CPAMD8: variants seen among roughly 807,000 people sequenced by gnomAD.
CPAMD8 encodes C3 and PZP like alpha-2-macroglobulin domain containing 8.
CPAMD8 carries 146 observed loss-of-function variants against 224.7 expected under a neutral mutation model. That is an observed-to-expected ratio of 0.65 (90% CI 0.57 to 0.75). CPAMD8 has a LOEUF of 0.75. Among genes scored for constraint, CPAMD8 ranks in the 30% least tolerant of loss-of-function variants. The pLI, the probability that CPAMD8 is intolerant of heterozygous loss-of-function variation, is 0.00. For synonymous variants in CPAMD8, 966 were observed against 1,044.6 expected, an observed-to-expected ratio of 0.92 and a Z score of 1.45; for missense variants, 2,301 against 2,537.5, an observed-to-expected ratio of 0.91 and a Z score of 2.00.
intron 11 of CPAMD8, among the ~76,000 whole-genome samples, chr19:16,994,009 G>A (rs1211784333): frequency 6.6e-6 from 1 of 152,162 alleles, no homozygotes; most frequent in East Asian, 1.9e-4. Flanking sequence ...AGGCTGAGGT[G>A]GGAGGATCAC....
At position 16,919,152 on chromosome 19, in the gene CPAMD8, G is replaced by A. The variant is rs575865611; in HGVS notation, c.3629+2753C>T. On this transcript the variant is annotated intron_variant, in intron 27 of 41. Coordinates refer to ENST00000443236, the MANE Select transcript of CPAMD8 (RefSeq NM_015692.5). ...CAGGAGGTGGAGGTTGCAGTGAGCC[G>A]AGATTATACCACTGAACTCCAGCTT... is the stretch of plus-strand genomic sequence containing the variant. Among the ~76,000 whole-genome samples the A allele has an allele frequency of 6.0e-4, 91 of 151,798 alleles. 1 individual carries two copies. Among genetic ancestry groups the A allele is most frequent in the African/African-American group, 2.0e-3 (84 of 41,364 alleles).
chr19:16,986,100 C>G (rs138533078), intron 13 of CPAMD8, among the ~76,000 whole-genome samples: 41 of 151,998 alleles, frequency 2.7e-4, no homozygotes, highest in African/African-American at 9.7e-4. Context: ...TTGGAGTGAG[C>G]GCCCCCATTC....
chr19:17,009,331 G>T lies in CPAMD8; in HGVS notation c.487-11C>A, dbSNP rs760402311. On this transcript the variant is annotated splice_polypyrimidine_tract_variant and intron_variant, in intron 5 of 41. Transcript: ENST00000443236. ...GATGTAGGCTTCCAGCTGTAATGAA[G>T]ACACAGATGCAGTGAGCAAATCTTC... 37 of 1,613,988 alleles carry T rather than the reference G, an allele frequency of 2.3e-5. No individual in the cohort carries two copies. Among genetic ancestry groups the T allele is most frequent in the Non-Finnish European group, 3.1e-5 (36 of 1,179,994 alleles).
chr19:16,934,769 T>C (rs73525459), intron 23 of CPAMD8, among the ~76,000 whole-genome samples: 2,025 of 152,302 alleles, frequency 0.013, 39 homozygotes, highest in African/African-American at 0.047. Flanking sequence ...TACACATGTA[T>C]TGCTTTTCAT....
intron 20 of CPAMD8, among the ~76,000 whole-genome samples, chr19:16,948,137 G>A (rs977929034): frequency 1.3e-5 from 2 of 152,182 alleles, no homozygotes; most frequent in African/African-American, 2.4e-5. Context: ...CATCTAAGAG[G>A]AAATCTTTGC....
At chr19:16,953,311 T>C (rs906677881) in intron 19 of CPAMD8, among the ~76,000 whole-genome samples, 4 of 151,216 alleles carry the variant, frequency 2.6e-5, no homozygotes, top group Non-Finnish European at 5.9e-5. Context: ...TGACAATGAT[T>C]TCATGGATAT....
chr19:16,946,599 G>A (rs562786577), intron 21 of CPAMD8, among the ~76,000 whole-genome samples: 57 of 146,048 alleles, frequency 3.9e-4, no homozygotes, highest in Middle Eastern at 4.0e-3. Context: ...ACACGTGGGC[G>A]TGTGTGTGTG....
intron 41 of CPAMD8, chr19:16,894,477 G>A (rs1443236142): frequency 1.5e-5 from 7 of 456,480 alleles, no homozygotes; most frequent in Non-Finnish European, 3.1e-5. Flanking sequence ...GGGCCGCCAG[G>A]ACTTCGGGAT....
In CPAMD8 at chr19:16,968,726, C is replaced by A. The variant is rs77873230; in HGVS notation, c.2213+2165G>T. ...CAATCACAGCTCACTGCAGCCTCAA[C>A]CTTCCCAGGCTCAAGCAATCCTCCA... On this transcript the variant is annotated intron_variant, in intron 18 of 41. Transcript: ENST00000443236. 8.1e-3 allele frequency among the ~76,000 whole-genome samples: 1,226 copies of A among 152,256 alleles called. 48 individuals carry two copies. The highest frequency in any genetic ancestry group is 0.072 in the East Asian group (372 of 5,174).
chr19:16,964,057 T>C (rs2054741710), intron 18 of CPAMD8, among the ~76,000 whole-genome samples: 1 of 152,172 alleles, frequency 6.6e-6, no homozygotes, highest in South Asian at 2.1e-4. Flanking sequence ...GAGGGAAATT[T>C]ATAGCACTAA....
chr19:17,005,964 GT>G (rs57214303), intron 7 of CPAMD8, among the ~76,000 whole-genome samples: 23 of 149,412 alleles, frequency 1.5e-4, no homozygotes, highest in Non-Finnish European at 2.8e-4. Context: ...ATCCCAAAGG[GT>G]TTTTTTTTTA....
At chr19:17,007,830 C>G (rs1265775254) in intron 7 of CPAMD8, among the ~76,000 whole-genome samples, 3 of 152,206 alleles carry the variant, frequency 2.0e-5, no homozygotes, top group Non-Finnish European at 4.4e-5. Flanking sequence ...AAAGAAATAT[C>G]TCATGCAATG....
chr19:16,929,191 C>T lies in CPAMD8; in HGVS notation c.2895G>A (p.Gln965=). ...CAAAGCGGGTGAGGCGCAGTGGCCG[C>T]TGCACATACTGGAACTCATACTTGT... is the stretch of plus-strand genomic sequence containing the variant. ...TPNKYEFQYV[Q]RPLRLTRFDV... Residue 965 remains glutamine, a synonymous_variant, in exon 24 of 42, where the codon CAG becomes CAA. Coordinates refer to ENST00000443236, the MANE Select transcript of CPAMD8 (RefSeq NM_015692.5). 6.2e-7 allele frequency: 1 copy of T among 1,613,620 alleles called. No individual in the cohort carries two copies. Among genetic ancestry groups the T allele is most frequent in the South Asian group, 1.1e-5 (1 of 91,062 alleles).
At chr19:16,939,183 T>C (rs185430506) in intron 22 of CPAMD8, among the ~76,000 whole-genome samples, 2,500 of 78,666 alleles carry the variant, frequency 0.032, 74 homozygotes, top group African/African-American at 0.11. Context: ...ATTTATTTAT[T>C]TATTTATCTA....
intron 1 of CPAMD8, among the ~76,000 whole-genome samples, chr19:17,025,610 T>C (rs918867963): frequency 1.1e-4 from 16 of 152,050 alleles, no homozygotes; most frequent in African/African-American, 3.6e-4. Context: ...CAAATGCCTC[T>C]CCCTATTTGT....
chr19:16,925,934 T>C (rs2053343307), intron 25 of CPAMD8, among the ~76,000 whole-genome samples: 1 of 151,856 alleles, frequency 6.6e-6, no homozygotes, highest in African/African-American at 2.4e-5. Context: ...TTTATTTTTA[T>C]TTTTTTAGTA....
At chr19:16,895,610 A>G (rs2051930468) in intron 41 of CPAMD8, 1 of 326,804 alleles carries the variant, frequency 3.1e-6, no homozygotes, top group African/African-American at 2.2e-5. Flanking sequence ...GATTACACAA[A>G]TCTGCCCATG....
chr19:16,906,407 T>TTTCTTTCTTTCTTTCTTTCTTTCC (rs1196710399), intron 30 of CPAMD8, among the ~76,000 whole-genome samples: 1 of 69,866 alleles, frequency 1.4e-5, no homozygotes, highest in Non-Finnish European at 2.8e-5. Flanking sequence ...TCTTTCTTTC[T>TTTCTTTCTTTCTTTCTTTCTTTCC]TTCCTTCCTT....
intron 35 of CPAMD8, among the ~76,000 whole-genome samples, chr19:16,901,570 T>TCA (rs1317123134): frequency 6.6e-6 from 1 of 152,170 alleles, no homozygotes; most frequent in African/African-American, 2.4e-5. Context: ...GTCCTGGACT[T>TCA]CACTCTGTGT....
Sources: allele counts gnomAD v4.1 joint callset (sites outside exome capture counted in the v4.1 genomes callset), GRCh38; gene constraint gnomAD v4.1.1; transcripts MANE v1.5; gene names NCBI Gene and HGNC (gene_info 2026-07-23, HGNC 2026-07-21).